PAH: variants seen among roughly 807,000 people sequenced by gnomAD.
The protein encoded by PAH is phenylalanine hydroxylase, also known as phenylalanine-4-hydroxylase.
Under a neutral mutation model 62.0 loss-of-function variants are expected in PAH, and 64 were observed. That is an observed-to-expected ratio of 1.03 (90% CI 0.84 to 1.27). PAH has a LOEUF of 1.27. Among genes scored for constraint, PAH ranks in the 50% most tolerant of loss-of-function variants. PAH has a pLI of 0.00. For missense variants in PAH, 579 were observed against 542.8 expected, an observed-to-expected ratio of 1.07 and a Z score of -0.66; for synonymous variants, 195 against 196.2, an observed-to-expected ratio of 0.99 and a Z score of 0.05.
At chr12:102,866,967 G>C (rs1008577617) in intron 4 of PAH, among the ~76,000 whole-genome samples, 11 of 152,178 alleles carry the variant, frequency 7.2e-5, no homozygotes, top group Middle Eastern at 3.2e-3. Context: ...ACTAAGCAAA[G>C]TTCATAGGAT....
At chr12:102,918,460 A>C (rs981033337), upstream of PAH, among the ~76,000 whole-genome samples, 3 of 151,900 alleles carry the variant, frequency 2.0e-5, no homozygotes, top group Non-Finnish European at 4.4e-5. Context: ...TAAATAAACA[A>C]ATAAATAAAT....
chr12:102,853,224 A>G (rs1357095721), intron 6 of PAH: 4 of 469,572 alleles, frequency 8.5e-6, no homozygotes, highest in African/African-American at 2.0e-5. Flanking sequence ...TAATGAATAC[A>G]AAGTACTTAG....
intron 1 of PAH, among the ~76,000 whole-genome samples, chr12:102,947,759 A>G (rs542080963): frequency 6.6e-6 from 1 of 152,214 alleles, no homozygotes; most frequent in Non-Finnish European, 1.5e-5. Context: ...TTCTCCAGAA[A>G]AAAGAACCAG....
chr12:102,917,138 C>T lies in PAH; in HGVS notation c.-8G>A. 2 of 1,614,054 alleles carry T rather than the reference C, an allele frequency of 1.2e-6. No homozygotes were observed. The highest frequency in any genetic ancestry group is 1.7e-6 in the Non-Finnish European group (2 of 1,179,960). ...CAGGACCGCAGTGGACATGCTGGCT[C>T]CCCGGGAGTGAGGTCTCTGGCTTTT... On this transcript the variant is annotated 5_prime_UTR_variant, in exon 1 of 13. Transcript: ENST00000553106.
At chr12:102,863,040 A>G (rs1875800416) in intron 5 of PAH, among the ~76,000 whole-genome samples, 1 of 152,102 alleles carries the variant, frequency 6.6e-6, no homozygotes, top group Admixed American at 6.5e-5. Flanking sequence ...GGAAACAGAC[A>G]GAGACTGTTC....
At chr12:102,861,763 T>C (rs1875729957) in intron 5 of PAH, among the ~76,000 whole-genome samples, 1 of 151,758 alleles carries the variant, frequency 6.6e-6, no homozygotes, top group African/African-American at 2.4e-5. Flanking sequence ...TTCTCACTCA[T>C]AGGTGGGAAT....
intron 1 of PAH, among the ~76,000 whole-genome samples, chr12:102,944,539 G>A (rs796260587): frequency 2.0e-5 from 3 of 152,306 alleles, no homozygotes; most frequent in African/African-American, 4.8e-5. Flanking sequence ...TCTTATGACT[G>A]TAATACATTC....
chr12:102,892,902 A>G (rs1877335007), intron 3 of PAH, among the ~76,000 whole-genome samples: 1 of 152,232 alleles, frequency 6.6e-6, no homozygotes. Context: ...AACCAATAAA[A>G]CTGTAAAATA....
At chr12:102,853,309 C>A (rs1397523381) in intron 6 of PAH, 1 of 337,130 alleles carries the variant, frequency 3.0e-6, no homozygotes, top group Non-Finnish European at 5.8e-6. Context: ...AACAATGATT[C>A]CCTACTTCTC....
Position 102,843,689 on chromosome 12 carries a change from A to C in PAH, c.1156T>G (p.Tyr386Asp), listed in dbSNP as rs199475691. 2 of 1,613,532 alleles carry C rather than the reference A, an allele frequency of 1.2e-6. No homozygotes were observed. Among genetic ancestry groups the C allele is most frequent in the African/African-American group, 1.3e-5 (1 of 74,906 alleles). The part of the protein sequence containing the change: ...NYTVTEFQPL[Y>D]YVAESFNDAK... ...TCATTAAAACTCTCTGCCACGTAAT[A>C]GAGGGGCTGGAACTCCGTGACAGTG... The change falls in exon 11 of 13, where the codon TAT becomes GAT. Residue 386 changes from tyrosine to aspartate, a missense_variant. Transcript: ENST00000553106.
chr12:102,900,848 T>G (rs2136710356), intron 2 of PAH, among the ~76,000 whole-genome samples: 1 of 152,240 alleles, frequency 6.6e-6, no homozygotes, highest in South Asian at 2.1e-4. Flanking sequence ...ACATCTTTGC[T>G]GAGGGATAAA....
intron 3 of PAH, among the ~76,000 whole-genome samples, chr12:102,890,861 T>C (rs1206933315): frequency 1.3e-5 from 2 of 152,132 alleles, no homozygotes; most frequent in African/African-American, 2.4e-5. Flanking sequence ...GGTGGGCGGA[T>C]CACCTGAGGT....
intron 1 of PAH, among the ~76,000 whole-genome samples, chr12:102,930,936 T>TA (rs1360191631): frequency 6.6e-6 from 1 of 152,084 alleles, no homozygotes; most frequent in African/African-American, 2.4e-5. Context: ...GTATCAATAA[T>TA]AAAAAAACAA....
chr12:102,928,133 C>T (rs1522300), intron 1 of PAH, among the ~76,000 whole-genome samples: 9,357 of 152,074 alleles, frequency 0.062, 338 homozygotes, highest in Admixed American at 0.1. Flanking sequence ...CAATGAGATA[C>T]GCTTTTATTT....
intron 1 of PAH, among the ~76,000 whole-genome samples, chr12:102,929,445 T>C (rs1878783029): frequency 6.6e-6 from 1 of 152,156 alleles, no homozygotes; most frequent in Admixed American, 6.5e-5. Context: ...AGGAATAGCA[T>C]GAGCAAAGGT....
chr12:102,838,993 G>A lies in PAH; in HGVS notation c.*182C>T. The stretch of plus-strand genomic sequence containing the variant: ...AAAAGATTTACCATTATGCTCTTGA[G>A]TATGTACTCATATCCTGTCATTTCA... On this transcript the variant is annotated 3_prime_UTR_variant, in exon 13 of 13. Transcript: ENST00000553106. 1 of 634,284 alleles carries A rather than the reference G, an allele frequency of 1.6e-6. No individual in the cohort carries two copies. The highest frequency in any genetic ancestry group is 2.8e-6 in the Non-Finnish European group (1 of 356,034). The allele number at this position is 634,284 out of a possible 1,614,324, so 39.3% of individuals were successfully genotyped here. A position where few individuals can be genotyped will look rare whatever the true frequency, so the allele number is the denominator to read the frequency against.
intron 8 of PAH, chr12:102,847,155 T>C: frequency 1.7e-6 from 1 of 600,192 alleles, no homozygotes; most frequent in South Asian, 1.9e-5. Context: ...CCACCCTCAC[T>C]TGGCCCTTTG....
chr12:102,942,181 G>A (rs61943187), intron 1 of PAH, among the ~76,000 whole-genome samples: 18,253 of 152,078 alleles, frequency 0.12, 1,270 homozygotes, highest in African/African-American at 0.18. Context: ...CATTGTGTCT[G>A]CTCTAAGGCG....
At chr12:102,893,615 T>A in intron 3 of PAH, among the ~76,000 whole-genome samples, 1 of 152,096 alleles carries the variant, frequency 6.6e-6, no homozygotes, top group East Asian at 1.9e-4. Context: ...CTTCATTTAA[T>A]CCTCACAAAA....
Sources: allele counts gnomAD v4.1 joint callset (sites outside exome capture counted in the v4.1 genomes callset), GRCh38; gene constraint gnomAD v4.1.1; transcripts MANE v1.5; gene names NCBI Gene and HGNC (gene_info 2026-07-23, HGNC 2026-07-21).